MARCHF1: variants seen among roughly 807,000 people sequenced by gnomAD.
The protein encoded by MARCHF1 is E3 ubiquitin-protein ligase MARCHF1.
A neutral mutation model predicts 54.2 loss-of-function variants in MARCHF1; 40 were observed. That is an observed-to-expected ratio of 0.74 (90% confidence interval 0.57 to 0.96). The LOEUF is 0.96. MARCHF1 is among the 40% of genes least tolerant of loss of function. The pLI is 0.00. For missense variants in MARCHF1, 586 were observed against 656.5 expected, an observed-to-expected ratio of 0.89 and a Z score of 1.17; for synonymous variants, 236 against 236.3, an observed-to-expected ratio of 1.00 and a Z score of 0.01.
intron 1 of MARCHF1, among the ~76,000 whole-genome samples, chr4:164,202,750 G>T (rs1325901558): frequency 1.3e-5 from 2 of 152,120 alleles, no homozygotes; most frequent in Non-Finnish European, 2.9e-5. Flanking sequence ...CATAGTTCTC[G>T]AATATTTCCT....
At chr4:164,223,630 C>T (rs1010551955) in intron 1 of MARCHF1, among the ~76,000 whole-genome samples, 2 of 151,834 alleles carry the variant, frequency 1.3e-5, no homozygotes, top group Non-Finnish European at 2.9e-5. Flanking sequence ...TGCCTTCATG[C>T]GCTATTGGAT....
chr4:163,693,624 T>G (rs1333326112), intron 5 of MARCHF1, among the ~76,000 whole-genome samples: 1 of 151,416 alleles, frequency 6.6e-6, no homozygotes, highest in Admixed American at 6.6e-5. Flanking sequence ...GGCCATACTA[T>G]TGCAGCATAG....
At chr4:163,970,543 CAG>C (rs1752527742) in intron 3 of MARCHF1, among the ~76,000 whole-genome samples, 2 of 152,046 alleles carry the variant, frequency 1.3e-5, no homozygotes, top group Non-Finnish European at 2.9e-5. Flanking sequence ...TTTGAGAAAA[CAG>C]TAATGTTAAG....
intron 1 of MARCHF1, among the ~76,000 whole-genome samples, chr4:164,320,226 C>G (rs571090057): frequency 1.4e-4 from 21 of 152,194 alleles, no homozygotes; most frequent in African/African-American, 5.1e-4. Context: ...TTAGTTTGCC[C>G]AGTAATCATG....
chr4:163,685,604 G>A (rs948896542), intron 5 of MARCHF1, among the ~76,000 whole-genome samples: 22 of 152,156 alleles, frequency 1.4e-4, no homozygotes, highest in African/African-American at 4.3e-4. Context: ...ACAGGCATGC[G>A]CCACCACCCC....
intron 8 of MARCHF1, among the ~76,000 whole-genome samples, chr4:163,565,817 G>A (rs1242093108): frequency 2.6e-5 from 4 of 152,120 alleles, no homozygotes; most frequent in Admixed American, 2.6e-4. Flanking sequence ...TCTCTCTGGG[G>A]ATTATCACTG....
intron 5 of MARCHF1, among the ~76,000 whole-genome samples, chr4:163,686,475 A>G (rs889815527): frequency 2.1e-5 from 3 of 143,424 alleles, no homozygotes; most frequent in Admixed American, 6.9e-5. Context: ...GGGTTTTGCC[A>G]TTGAAAGAAA....
intron 3 of MARCHF1, among the ~76,000 whole-genome samples, chr4:163,957,065 A>G (rs567739373): frequency 1.1e-4 from 16 of 152,160 alleles, no homozygotes; most frequent in Admixed American, 9.2e-4. Flanking sequence ...ATGCTAAATA[A>G]TTATATAAAG....
intron 3 of MARCHF1, among the ~76,000 whole-genome samples, chr4:163,858,314 T>C (rs537015651): frequency 6.6e-6 from 1 of 152,298 alleles, no homozygotes; most frequent in South Asian, 2.1e-4. Flanking sequence ...GAGATTTGTT[T>C]GCCACAGGAA....
intron 5 of MARCHF1, among the ~76,000 whole-genome samples, chr4:163,682,129 T>A (rs1744124436): frequency 6.6e-6 from 1 of 152,216 alleles, no homozygotes; most frequent in Non-Finnish European, 1.5e-5. Context: ...GTTCTTACTA[T>A]GCTCTAACCA....
At chr4:164,086,323 A>T (rs1755191035) in intron 2 of MARCHF1, among the ~76,000 whole-genome samples, 1 of 151,922 alleles carries the variant, frequency 6.6e-6, no homozygotes, top group African/African-American at 2.4e-5. Context: ...AATGATTATC[A>T]TTAGAAAAAA....
chr4:163,755,831 A>T (rs927840257), intron 4 of MARCHF1, among the ~76,000 whole-genome samples: 2 of 152,238 alleles, frequency 1.3e-5, no homozygotes, highest in African/African-American at 4.8e-5. Flanking sequence ...CCTGGAACAT[A>T]TAGACAACTA....
At chr4:164,054,653 T>C (rs1321363174) in intron 2 of MARCHF1, among the ~76,000 whole-genome samples, 6 of 151,478 alleles carry the variant, frequency 4.0e-5, no homozygotes, top group Non-Finnish European at 8.8e-5. Context: ...TTGGAAATCA[T>C]CATTCTCAGT....
intron 3 of MARCHF1, among the ~76,000 whole-genome samples, chr4:163,951,884 A>G (rs1752140505): frequency 6.6e-6 from 1 of 152,218 alleles, no homozygotes; most frequent in Non-Finnish European, 1.5e-5. Context: ...CAGTCCCCAG[A>G]TTACCATTTC....
chr4:164,263,209 GA>G (rs1396200345), intron 1 of MARCHF1, among the ~76,000 whole-genome samples: 2 of 151,986 alleles, frequency 1.3e-5, no homozygotes, highest in Non-Finnish European at 2.9e-5. Context: ...GAAACACTAA[GA>G]GAAAAATTAA....
chr4:164,112,149 G>A (rs1355843455), intron 1 of MARCHF1, among the ~76,000 whole-genome samples: 1 of 151,804 alleles, frequency 6.6e-6, no homozygotes, highest in African/African-American at 2.4e-5. Context: ...AAAAGGATGC[G>A]GTGATTGAAG....
chr4:164,155,176 T>G (rs1187549733), intron 1 of MARCHF1, among the ~76,000 whole-genome samples: 1 of 152,126 alleles, frequency 6.6e-6, no homozygotes, highest in East Asian at 1.9e-4. Flanking sequence ...GCTGCGAAAA[T>G]AGAAATGCCT....
intron 5 of MARCHF1, among the ~76,000 whole-genome samples, chr4:163,686,898 T>C (rs1744284286): frequency 6.6e-6 from 1 of 152,200 alleles, no homozygotes; most frequent in Non-Finnish European, 1.5e-5. Flanking sequence ...GTCATCTTGT[T>C]ATGTTCTCAG....
intron 1 of MARCHF1, among the ~76,000 whole-genome samples, chr4:164,349,948 C>CT (rs1479469953): frequency 6.6e-6 from 1 of 152,180 alleles, no homozygotes; most frequent in Non-Finnish European, 1.5e-5. Flanking sequence ...AATTTCAACT[C>CT]TATCACTTAT....
Sources: gnomAD v4.1 joint callset for allele counts (sites outside exome capture counted in the v4.1 genomes callset) on GRCh38, gnomAD v4.1.1 for gene constraint, MANE v1.5 for transcripts, NCBI Gene and HGNC (gene_info 2026-07-23, HGNC 2026-07-21) for gene names.